The following PEMT variants were observed in gnomAD, a reference collection of about 807,000 sequenced individuals.
PEMT encodes phosphatidylethanolamine N-methyltransferase, also known as phospholipid methyltransferase.
In PEMT, 23 loss-of-function variants were observed where a neutral mutation model predicts 27.4. The observed-to-expected ratio is 0.84, with a 90% confidence interval of 0.60 to 1.19. PEMT has a LOEUF of 1.19. Among genes scored for constraint, PEMT ranks in the 50% most tolerant of loss-of-function variants. PEMT has a pLI of 0.00. For synonymous variants in PEMT, 137 were observed against 139.1 expected (o/e 0.98, Z 0.11); for missense variants, 307 against 310.1 (o/e 0.99, Z 0.07).
At chr17:17,524,046 T>G (rs1460979442) in intron 2 of PEMT, among the ~76,000 whole-genome samples, 2 of 152,144 alleles carry the variant, frequency 1.3e-5, no homozygotes, top group Non-Finnish European at 2.9e-5. Flanking sequence ...TGCTTTGACT[T>G]TATGTAACGT....
rs1403015979 is a variant in PEMT, at chr17:17,582,373, T to C, written c.97-5346A>G. On this transcript the variant is annotated intron_variant, in intron 1 of 6. Transcript: ENST00000255389. The surrounding 1 kb of genome is among the most constrained non-coding windows in gnomAD (Gnocchi z 4.9). ...CAAAGCATGGGTAAGGAAGAGGCTT[T>C]ATGGTAATTTACTCCATTGAGGGGT... 1.0e-6 allele frequency: 1 copy of C among 985,372 alleles called. No individual in the cohort carries two copies. Among genetic ancestry groups the C allele is most frequent in the Non-Finnish European group, 1.2e-6 (1 of 829,960 alleles). 61.0% of individuals were successfully genotyped at this position (985,372 alleles called of 1,614,324 possible).
At chr17:17,565,099 C>T (rs1910742975) in intron 2 of PEMT, among the ~76,000 whole-genome samples, 1 of 152,200 alleles carries the variant, frequency 6.6e-6, no homozygotes, top group South Asian at 2.1e-4. Context: ...CCACCTCCCA[C>T]CCTCTGCGTC....
intron 2 of PEMT, among the ~76,000 whole-genome samples, chr17:17,556,888 G>A (rs777170739): frequency 3.3e-5 from 5 of 152,182 alleles, no homozygotes; most frequent in Non-Finnish European, 4.4e-5. Context: ...CAGTGCTGTG[G>A]CCCACTGCCT....
rs148230604 is a variant in PEMT, at chr17:17,560,020, C to T, written c.204+16900G>A. ...GGCCTCCACCAGGCCCGCCAAGACC[C>T]AGTCTCCAAGACAGTCACAGCGAAG... is the stretch of plus-strand genomic sequence containing the variant. On this transcript the variant is annotated intron_variant, in intron 2 of 6. Coordinates refer to ENST00000255389, the MANE Select transcript of PEMT (RefSeq NM_148172.3). 8.0e-3 allele frequency among the ~76,000 whole-genome samples: 1,212 copies of T among 152,356 alleles called. 9 individuals carry two copies. The highest frequency in any genetic ancestry group is 0.014 in the Middle Eastern group (4 of 294).
rs967854128 is a variant in PEMT at position 17,557,449 on chromosome 17, GAGA to G, written c.204+19468_204+19470del. Among the ~76,000 whole-genome samples, 3 of 152,200 alleles carry G rather than the reference GAGA, an allele frequency of 2.0e-5. No homozygotes were observed. In the East Asian group the frequency reaches 5.8e-4, roughly 29 times the overall value. On this transcript the variant is annotated intron_variant, in intron 2 of 6. Coordinates refer to ENST00000255389, the MANE Select transcript of PEMT (RefSeq NM_148172.3). Reference sequence around the variant, plus strand: ...GTGCACGCAGAAAGTCTTGGAGGAGGAGAGCCAGGTGTGTGGTTGAGAAGCCCC... The same window carrying G: ...GTGCACGCAGAAAGTCTTGGAGGAGGGCCAGGTGTGTGGTTGAGAAGCCCC...
intron 1 of PEMT, among the ~76,000 whole-genome samples, chr17:17,589,561 C>CA (rs1271140906): frequency 6.6e-6 from 1 of 152,126 alleles, no homozygotes; most frequent in Non-Finnish European, 1.5e-5. Context: ...TTAAATTATG[C>CA]ATGTGGCACA....
chr17:17,571,010 G>A (rs1478957966), intron 2 of PEMT: 7 of 633,442 alleles, frequency 1.1e-5, no homozygotes, highest in Non-Finnish European at 1.4e-5. Flanking sequence ...CACAGTGCCT[G>A]GACCCAAGGT....
intron 1 of PEMT, among the ~76,000 whole-genome samples, chr17:17,586,290 A>AAGAAAGAAAGAAAG (rs1178124618): frequency 9.0e-4 from 87 of 96,448 alleles, no homozygotes; most frequent in East Asian, 5.1e-3. Flanking sequence ...GAAAGAAAGA[A>AAGAAAGAAAGAAAG]AAAAAAAAAC....
chr17:17,560,914 C>T (rs1910430053), intron 2 of PEMT, among the ~76,000 whole-genome samples: 1 of 151,910 alleles, frequency 6.6e-6, no homozygotes, highest in South Asian at 2.1e-4. Flanking sequence ...TGCCTTTAAC[C>T]AACCATCCCC....
intron 2 of PEMT, among the ~76,000 whole-genome samples, chr17:17,531,006 G>A (rs1250870245): frequency 2.0e-5 from 3 of 148,168 alleles, no homozygotes; most frequent in African/African-American, 5.0e-5. Context: ...TGGTGCCACT[G>A]CATTCCAGCC....
intron 1 of PEMT, among the ~76,000 whole-genome samples, chr17:17,579,709 G>A (rs770127859): frequency 6.6e-6 from 1 of 152,162 alleles, no homozygotes; most frequent in Non-Finnish European, 1.5e-5. Flanking sequence ...TCCAATGCAG[G>A]CCCCTCCTAA....
intron 1 of PEMT, among the ~76,000 whole-genome samples, chr17:17,586,289 A>AAAGAAAGAG (rs1491465188): frequency 1.6e-5 from 1 of 63,516 alleles, no homozygotes; most frequent in African/African-American, 9.0e-5. Context: ...AGAAAGAAAG[A>AAAGAAAGAG]AAAAAAAAAA....
At chr17:17,586,287 A>AG (rs1555546132) in intron 1 of PEMT, among the ~76,000 whole-genome samples, 1 of 79,470 alleles carries the variant, frequency 1.3e-5, no homozygotes, top group South Asian at 3.0e-4. Flanking sequence ...AAAGAAAGAA[A>AG]GAAAAAAAAA....
chr17:17,590,799 A>C (rs1912547587), intron 1 of PEMT, among the ~76,000 whole-genome samples: 2 of 152,250 alleles, frequency 1.3e-5, no homozygotes, highest in Admixed American at 1.3e-4. Flanking sequence ...GGGAGAATGC[A>C]AGAGAGGTTG....
At chr17:17,563,205 G>A (rs918251131) in intron 2 of PEMT, among the ~76,000 whole-genome samples, 2 of 151,778 alleles carry the variant, frequency 1.3e-5, no homozygotes, top group African/African-American at 2.4e-5. Flanking sequence ...AGAGAAGCAC[G>A]TTGGGGGTTC....
At chr17:17,588,563 TCC>T (rs1912438710) in intron 1 of PEMT, among the ~76,000 whole-genome samples, 1 of 152,042 alleles carries the variant, frequency 6.6e-6, no homozygotes, top group South Asian at 2.1e-4. Flanking sequence ...CCCCTCACTG[TCC>T]CCATTCTTCT....
chr17:17,518,857 G>A (rs1053963821), intron 3 of PEMT, among the ~76,000 whole-genome samples: 5 of 152,142 alleles, frequency 3.3e-5, no homozygotes, highest in Non-Finnish European at 5.9e-5. Context: ...ACTGGGGGGC[G>A]GGAGATGACT....
chr17:17,562,097 A>T (rs1420060757), intron 2 of PEMT, among the ~76,000 whole-genome samples: 1 of 151,994 alleles, frequency 6.6e-6, no homozygotes, highest in Non-Finnish European at 1.5e-5. Flanking sequence ...CTGTTTTTCC[A>T]CTTTCCTGCC....
At position 17,512,502 on chromosome 17, in the gene PEMT, G is replaced by C. The variant is rs986124837; in HGVS notation, c.466+7C>G. 6.3e-7 allele frequency: 1 copy of C among 1,586,808 alleles called. No homozygotes were observed. The highest frequency in any genetic ancestry group is 8.6e-7 in the Non-Finnish European group (1 of 1,164,930). On this transcript the variant is annotated splice_region_variant and intron_variant, in intron 4 of 6. Coordinates refer to ENST00000255389, the MANE Select transcript of PEMT (RefSeq NM_148172.3). This position sits in a 1 kb window ranked among gnomAD's most constrained non-coding sequence, Gnocchi z 6.3. ...GCTCAGGGTCACCCCAGCCCTCAGG[G>C]TCTTACCTAGGAAAGTTCCAGCGAA... is the stretch of plus-strand genomic sequence containing the variant.
Sources: gnomAD v4.1 joint callset for allele counts (sites outside exome capture counted in the v4.1 genomes callset) on GRCh38, gnomAD v4.1.1 for gene constraint, Gnocchi (gnomAD v3.1) non-coding constraint, MANE v1.5 for transcripts, NCBI Gene and HGNC (gene_info 2026-07-23, HGNC 2026-07-21) for gene names.